Variants in PLCE1 observed in about 807,000 individuals in gnomAD.
PLCE1 encodes the protein 1-phosphatidylinositol 4,5-bisphosphate phosphodiesterase epsilon-1.
In PLCE1, 119 loss-of-function variants were observed where a neutral mutation model predicts 242.8. The observed-to-expected ratio is 0.49, with a 90% CI of 0.42 to 0.57. The LOEUF is 0.57. Among genes scored for constraint, PLCE1 ranks in the 20% least tolerant of loss-of-function variants. The pLI is 0.00. For synonymous variants in PLCE1, 945 were observed against 1,017.4 expected (o/e 0.93, Z 1.35); for missense variants, 2,441 against 2,788.8 (o/e 0.88, Z 2.81).
chr10:94,263,105 C>T (rs1033465827), intron 14 of PLCE1, among the ~76,000 whole-genome samples: 18 of 152,026 alleles, frequency 1.2e-4, no homozygotes, highest in Non-Finnish European at 2.5e-4. Flanking sequence ...CTCTTGACCT[C>T]GTGATCTGCC....
intron 2 of PLCE1, among the ~76,000 whole-genome samples, chr10:94,129,569 A>G (rs1390726681): frequency 6.6e-6 from 1 of 152,160 alleles, no homozygotes; most frequent in Non-Finnish European, 1.5e-5. Flanking sequence ...CTGGGAGTCT[A>G]TGGAGGCCTG....
chr10:94,290,567 T>C (rs1387475004), intron 22 of PLCE1, among the ~76,000 whole-genome samples: 1 of 151,862 alleles, frequency 6.6e-6, no homozygotes, highest in Admixed American at 6.6e-5. Flanking sequence ...ACTGAAGGTC[T>C]TCAGGGACAA....
chr10:94,029,025 C>T (rs1382635930), intron 1 of PLCE1, among the ~76,000 whole-genome samples: 5 of 152,018 alleles, frequency 3.3e-5, no homozygotes, highest in Non-Finnish European at 1.5e-5. Context: ...ATCCAGGAGG[C>T]AGAGGTTGCA....
At chr10:94,164,881 G>C (rs774868369) in intron 3 of PLCE1, among the ~76,000 whole-genome samples, 1 of 152,216 alleles carries the variant, frequency 6.6e-6, no homozygotes, top group Non-Finnish European at 1.5e-5. Flanking sequence ...CAGGTCTGTT[G>C]GAGTTTGCTG....
chr10:94,009,327 G>A (rs1280290745), intron 1 of PLCE1, among the ~76,000 whole-genome samples: 2 of 152,066 alleles, frequency 1.3e-5, no homozygotes, highest in African/African-American at 4.8e-5. Context: ...CAAGGGGATG[G>A]CACTAAGCCA....
At chr10:94,281,983 G>A (rs1421087672) in intron 20 of PLCE1, among the ~76,000 whole-genome samples, 1 of 151,564 alleles carries the variant, frequency 6.6e-6, no homozygotes. Flanking sequence ...CTCTTAGGGG[G>A]CCTAAAAGGT....
intron 4 of PLCE1, among the ~76,000 whole-genome samples, chr10:94,211,529 T>C (rs1248896943): frequency 6.6e-6 from 1 of 152,256 alleles, no homozygotes; most frequent in Admixed American, 6.5e-5. Context: ...CTACAGTCCA[T>C]TGATTTATTC....
intron 2 of PLCE1, among the ~76,000 whole-genome samples, chr10:94,044,251 A>G (rs1043521746): frequency 1.3e-5 from 2 of 152,332 alleles, no homozygotes; most frequent in East Asian, 3.9e-4. Context: ...GCTCAGCTAA[A>G]TAATGTCCCT....
intron 22 of PLCE1, among the ~76,000 whole-genome samples, chr10:94,292,999 AT>A (rs1178798456): frequency 2.0e-5 from 3 of 152,218 alleles, no homozygotes; most frequent in Non-Finnish European, 2.9e-5. Flanking sequence ...CATATTTCCC[AT>A]CTTCAGAGTA....
chr10:94,111,894 T>A (rs1564699143), intron 2 of PLCE1, among the ~76,000 whole-genome samples: 1 of 152,248 alleles, frequency 6.6e-6, no homozygotes, highest in Non-Finnish European at 1.5e-5. Context: ...GGTTTATGGC[T>A]GTCGCAGTTT....
chr10:94,038,671 G>A lies in PLCE1; in HGVS notation c.1206+6419G>A, dbSNP rs545884983. On this transcript the variant is annotated intron_variant, in intron 2 of 32. Transcript: ENST00000371380. ...AAACACAATAGCAGATTTCCTTGAA[G>A]GGGAGGAGAAATGCTTTGGTGTCTT... 1.8e-3 allele frequency among the ~76,000 whole-genome samples: 280 copies of A among 152,300 alleles called. 1 individual carries two copies. Among genetic ancestry groups the A allele is most frequent in the Admixed American group, 4.7e-3 (72 of 15,302 alleles).
chr10:94,205,346 G>T (rs1297147852), intron 4 of PLCE1, among the ~76,000 whole-genome samples: 1 of 152,168 alleles, frequency 6.6e-6, no homozygotes, highest in Non-Finnish European at 1.5e-5. Context: ...TATGATATTG[G>T]ATCTTTGCTT....
At chr10:94,058,977 T>C (rs1052376660) in intron 2 of PLCE1, among the ~76,000 whole-genome samples, 2 of 152,180 alleles carry the variant, frequency 1.3e-5, no homozygotes, top group Admixed American at 1.3e-4. Context: ...CGTAAACACA[T>C]GTACCTATGG....
chr10:94,033,272 C>G (rs1382998886), intron 2 of PLCE1, among the ~76,000 whole-genome samples: 2 of 151,800 alleles, frequency 1.3e-5, no homozygotes, highest in South Asian at 4.2e-4. Flanking sequence ...TATACTTATG[C>G]ATATATTGGA....
chr10:94,107,646 A>G (rs915546626), intron 2 of PLCE1: 3 of 152,122 alleles, frequency 2.0e-5, no homozygotes, highest in African/African-American at 7.2e-5. Flanking sequence ...AGACAACTGC[A>G]TGGTAATACA....
chr10:94,255,128 C>G, intron 11 of PLCE1, 79 bp downstream of exon 11: 1 of 1,483,422 alleles, frequency 6.7e-7, no homozygotes. Context: ...TTACAGTTGT[C>G]TATGGAAAGA....
At chr10:93,995,536 T>C (rs1319357932) in intron 1 of PLCE1, among the ~76,000 whole-genome samples, 1 of 152,220 alleles carries the variant, frequency 6.6e-6, no homozygotes, top group Non-Finnish European at 1.5e-5. Context: ...GCAAAATGCT[T>C]GCACCTAGAA....
chr10:94,117,300 A>G (rs2046163114), intron 2 of PLCE1, among the ~76,000 whole-genome samples: 1 of 152,128 alleles, frequency 6.6e-6, no homozygotes, highest in South Asian at 2.1e-4. Context: ...CTGAAAAGGA[A>G]CCCCATCCAA....
chr10:94,023,634 G>C (rs901949653), intron 1 of PLCE1, among the ~76,000 whole-genome samples: 1 of 152,090 alleles, frequency 6.6e-6, no homozygotes, highest in Non-Finnish European at 1.5e-5. Flanking sequence ...TCCTTTCCTT[G>C]TGAGATTTGC....
Sources: allele counts gnomAD v4.1 joint callset (sites outside exome capture counted in the v4.1 genomes callset), GRCh38; gene constraint gnomAD v4.1.1; transcripts MANE v1.5; gene names NCBI Gene and HGNC (gene_info 2026-07-23, HGNC 2026-07-21).